EPRS1: variants seen among roughly 807,000 people sequenced by gnomAD.
EPRS1 encodes the protein bifunctional glutamate/proline--tRNA ligase.
EPRS1 carries 107 observed loss-of-function variants against 188.3 expected under a neutral mutation model. The ratio of observed to expected loss-of-function variants is 0.57; its 90% CI spans 0.49 to 0.67. EPRS1 has a LOEUF of 0.67. Ranked by LOEUF, EPRS1 falls within the 30% of genes least tolerant of loss-of-function variation. The probability of loss-of-function intolerance (pLI) is 0.00; values close to 1 mark genes in which losing one functional copy is unlikely to be tolerated. For missense variants in EPRS1, 1,577 were observed against 1,802.2 expected (o/e 0.88, Z 2.26); for synonymous variants, 596 against 593.1 (o/e 1.00, Z -0.07).
chr1:220,040,182 TACTC>T lies in EPRS1; in HGVS notation c.130_131+2del. ...CTGAAAATAAAAAGATGAAAACACT[TACTC>T]AGAAACATGAAGAATATTCTCTTTC... On this transcript the variant is annotated splice_donor_variant and coding_sequence_variant, in exon 2 of 32. Transcript: ENST00000366923. LOFTEE classifies it high-confidence loss of function. The T allele has an allele frequency of 6.3e-7, 1 of 1,579,510 alleles. No individual in the cohort carries two copies. Among genetic ancestry groups the T allele is most frequent in the Non-Finnish European group, 8.7e-7 (1 of 1,153,582 alleles).
At chr1:219,974,782 G>T (rs1352364864) in intron 28 of EPRS1, among the ~76,000 whole-genome samples, 1 of 152,072 alleles carries the variant, frequency 6.6e-6, no homozygotes, top group East Asian at 1.9e-4. Context: ...ACATGCATTT[G>T]TAAGATACAG....
chr1:219,991,079 G>A (rs929694770), intron 18 of EPRS1, among the ~76,000 whole-genome samples: 13 of 151,944 alleles, frequency 8.6e-5, no homozygotes, highest in African/African-American at 1.9e-4. Flanking sequence ...CTAATGTTAT[G>A]ACTAAAAACT....
In EPRS1 at chr1:219,984,277, AAGAT is replaced by A. The variant is rs1418396081; in HGVS notation, c.3039-24_3039-21del. ...CCCAACCTGCAGATGTGAAAAGTAA[AAGAT>A]AAATATCTTCATTCAGCAACTGCTT... On this transcript the variant is annotated intron_variant, in intron 20 of 31. Transcript: ENST00000366923. 1 of 1,592,346 alleles carries A rather than the reference AAGAT, an allele frequency of 6.3e-7. No individual in the cohort carries two copies.
At chr1:220,018,207 C>T in intron 12 of EPRS1, 1 of 1,307,324 alleles carries the variant, frequency 7.6e-7, no homozygotes, top group South Asian at 1.3e-5. Context: ...AAAAATATTA[C>T]TGTTCCCCAT....
At position 220,030,427 on chromosome 1, in the gene EPRS1, C is replaced by T; in HGVS notation, c.582G>A (p.Glu194=). Residue 194 remains glutamate, a synonymous_variant, in exon 6 of 32, where the codon GAG becomes GAA. Transcript: ENST00000366923. ...VGKFVELPGA[E]MGKVTVRFPP... ...GAAATCTGACGGTAACCTTTCCCAT[C>T]TCCGCACCTGGAAGCTCAACAAATT... 2 of 1,614,128 alleles carry T rather than the reference C, an allele frequency of 1.2e-6. No homozygotes were observed. The highest frequency in any genetic ancestry group is 1.7e-6 in the Non-Finnish European group (2 of 1,179,996).
Position 219,979,209 on chromosome 1 carries a change from A to G in EPRS1, c.3909+209T>C, listed in dbSNP as rs563734391. On this transcript the variant is annotated intron_variant, in intron 27 of 31. Coordinates refer to ENST00000366923, the MANE Select transcript of EPRS1 (RefSeq NM_004446.3). ...AAATGACTTCTAAAAATGTTTATAT[A>G]AGTAGCTTAAAAATTAAAAGAGTAA... Among the ~76,000 whole-genome samples the G allele has an allele frequency of 5.3e-5, 8 of 152,364 alleles. No homozygotes were observed. In the South Asian group the frequency reaches 1.7e-3, roughly 32 times the overall value.
rs559004064 is a variant in EPRS1 at position 220,026,108 on chromosome 1, A to G, written c.624-850T>C. On this transcript the variant is annotated intron_variant, in intron 6 of 31. Coordinates refer to ENST00000366923, the MANE Select transcript of EPRS1 (RefSeq NM_004446.3). ...GCACCCAGCCAAAAGATTATTTTTT[A>G]ACTTTAATTTTTTAACTTCTATTTT... 4.6e-5 allele frequency among the ~76,000 whole-genome samples: 7 copies of G among 152,314 alleles called. No individual in the cohort carries two copies. In the South Asian group the frequency reaches 1.0e-3, roughly 23 times the overall value.
chr1:219,971,456 CT>C (rs1442473198), intron 30 of EPRS1, among the ~76,000 whole-genome samples: 3 of 152,074 alleles, frequency 2.0e-5, no homozygotes, highest in Non-Finnish European at 2.9e-5. Context: ...ATAAGCAACA[CT>C]TTTCTTCTCA....
At chr1:219,984,173 T>C (rs1660957945) in intron 21 of EPRS1, 33 bp downstream of exon 21, 1 of 1,550,014 alleles carries the variant, frequency 6.5e-7, no homozygotes, top group Admixed American at 1.7e-5. Context: ...TTGACAGACT[T>C]AAAACATAAA....
At chr1:219,985,458 T>G (rs1471581846) in intron 20 of EPRS1, among the ~76,000 whole-genome samples, 1 of 152,144 alleles carries the variant, frequency 6.6e-6, no homozygotes, top group Non-Finnish European at 1.5e-5. Flanking sequence ...ACTGGTGCAA[T>G]CTAGACTCAC....
intron 9 of EPRS1, among the ~76,000 whole-genome samples, chr1:220,021,802 T>C (rs959716317): frequency 1.3e-5 from 2 of 152,226 alleles, no homozygotes; most frequent in African/African-American, 4.8e-5. Flanking sequence ...AGCATTTATG[T>C]GTAGTACGCT....
intron 12 of EPRS1, among the ~76,000 whole-genome samples, chr1:220,016,508 T>C (rs1013029458): frequency 1.3e-5 from 2 of 149,752 alleles, no homozygotes; most frequent in Non-Finnish European, 3.0e-5. Flanking sequence ...CCTCCTGGGC[T>C]CAAGTGATCC....
rs763927190 is a variant in EPRS1 at position 219,984,244 on chromosome 1, C to A, written c.3052G>T (p.Ala1018Ser). The A allele has an allele frequency of 3.1e-6, 5 of 1,612,752 alleles. No homozygotes were observed. The highest frequency in any genetic ancestry group is 4.2e-6 in the Non-Finnish European group (5 of 1,178,946). Residue 1018 changes from alanine (A) to serine (S), a missense_variant, in exon 21 of 32, where the codon GCA becomes TCA. By Grantham distance (99) the Ala-to-Ser change is moderately conservative. Around this residue, in one of 3 missense-constraint regions of EPRS1, gnomAD observed 1,278 missense variants for 1,457.4 expected, o/e 0.88. Transcript: ENST00000366923. ...TCAGCAAGATTTTCTTCTTTTTTTGCCTCAAGACCCAACCTGCAGATGTGA... is the reference window on the plus strand; with the variant it reads ...TCAGCAAGATTTTCTTCTTTTTTTGACTCAAGACCCAACCTGCAGATGTGA... ...PKKQTRLGLE[A>S]KKEENLADWY...
At chr1:220,034,576 C>T (rs1358354227) in intron 3 of EPRS1, among the ~76,000 whole-genome samples, 2 of 152,168 alleles carry the variant, frequency 1.3e-5, no homozygotes, top group African/African-American at 4.8e-5. Context: ...TTTTCTAGGC[C>T]TGCTGCCTTA....
intron 16 of EPRS1, among the ~76,000 whole-genome samples, chr1:220,003,806 T>C (rs1341577035): frequency 6.6e-6 from 1 of 152,076 alleles, no homozygotes; most frequent in East Asian, 1.9e-4. Context: ...AAAGGAAATG[T>C]GATATTAAAA....
intron 12 of EPRS1, among the ~76,000 whole-genome samples, chr1:220,017,191 C>T (rs868547201): frequency 3.2e-4 from 49 of 151,782 alleles, no homozygotes; most frequent in African/African-American, 1.0e-3. Context: ...CCACCGTGGG[C>T]GACAGCAAGA....
At chr1:220,008,914 G>A (rs1454112641) in intron 13 of EPRS1, among the ~76,000 whole-genome samples, 2 of 152,056 alleles carry the variant, frequency 1.3e-5, no homozygotes, top group African/African-American at 4.8e-5. Flanking sequence ...GGCCTCAAAT[G>A]ATCTTCCCAC....
At chr1:220,027,589 C>CAA (rs374947643) in intron 6 of EPRS1, among the ~76,000 whole-genome samples, 6,756 of 78,484 alleles carry the variant, frequency 0.086, 699 homozygotes, top group East Asian at 0.22. Context: ...GAGGCTATGT[C>CAA]AAAAAAAAAA....
chr1:219,982,422 A>G (rs1660916963), intron 23 of EPRS1: 1 of 164,384 alleles, frequency 6.1e-6, no homozygotes, highest in Admixed American at 6.3e-5. Flanking sequence ...TATTATTAAA[A>G]TTTAAAAATA....
Sources: gnomAD v4.1 joint callset for allele counts (sites outside exome capture counted in the v4.1 genomes callset) on GRCh38, gnomAD v4.1.1 for gene constraint, gnomAD v4.1.1 regional missense constraint, MANE v1.5 for transcripts, NCBI Gene and HGNC (gene_info 2026-07-23, HGNC 2026-07-21) for gene names.